Variants in ACYP2 observed in about 807,000 individuals in gnomAD.
The protein encoded by ACYP2 is acylphosphatase-2.
Under a neutral mutation model 11.2 loss-of-function variants are expected in ACYP2, and 12 were observed. The observed-to-expected ratio is 1.08, with a 90% CI of 0.69 to 1.74. The LOEUF (loss-of-function observed/expected upper bound fraction) is 1.74. Among genes scored for constraint, ACYP2 ranks in the 40% most tolerant of loss-of-function variants. The pLI is 0.00. For synonymous variants in ACYP2, 43 were observed against 32.2 expected, an observed-to-expected ratio of 1.33 and a Z score of -1.13; for missense variants, 134 against 101.9, an observed-to-expected ratio of 1.31 and a Z score of -1.35.
At chr2:54,297,083 G>A (rs1369509735) in intron 6 of ACYP2, among the ~76,000 whole-genome samples, 1 of 146,230 alleles carries the variant, frequency 6.8e-6, no homozygotes, top group Admixed American at 7.1e-5. Context: ...TTGTGGTTGT[G>A]TTGGCTCCTT....
chr2:54,295,383 G>T (rs532765008), intron 6 of ACYP2, among the ~76,000 whole-genome samples: 1 of 152,162 alleles, frequency 6.6e-6, no homozygotes, highest in Non-Finnish European at 1.5e-5. Context: ...TATTTTCTGA[G>T]TTTCTGTAAT....
At chr2:54,206,676 TC>T (rs1282132093) in intron 6 of ACYP2, among the ~76,000 whole-genome samples, 1 of 152,246 alleles carries the variant, frequency 6.6e-6, no homozygotes, top group Non-Finnish European at 1.5e-5. Context: ...GTGATTTTTT[TC>T]CATAATTGTA....
intron 6 of ACYP2, chr2:54,253,123 G>C (rs772603838): frequency 1.3e-5 from 2 of 152,184 alleles, no homozygotes; most frequent in Non-Finnish European, 1.5e-5. Context: ...TGAGAAAAGA[G>C]ACATGTCAAT....
intron 1 of ACYP2, among the ~76,000 whole-genome samples, chr2:53,972,968 T>C (rs1022470958): frequency 7.9e-5 from 12 of 151,144 alleles, no homozygotes; most frequent in Admixed American, 4.0e-4. Flanking sequence ...GAAGGAAATA[T>C]ACAGTATGAA....
At chr2:54,150,589 T>G (rs537790822) in intron 6 of ACYP2, among the ~76,000 whole-genome samples, 3 of 151,796 alleles carry the variant, frequency 2.0e-5, no homozygotes, top group Admixed American at 2.0e-4. Context: ...ACGCAGCTAA[T>G]TTTTGTATTT....
At chr2:54,065,607 G>A (rs1676704245) in intron 4 of ACYP2, 1 of 397,962 alleles carries the variant, frequency 2.5e-6, no homozygotes, top group Admixed American at 4.4e-5. Context: ...CTGGGCTGGT[G>A]TGAGTAAGTG....
chr2:54,123,734 G>T lies in ACYP2; in HGVS notation c.278-11719G>T, dbSNP rs143071486. 2.1e-3 allele frequency among the ~76,000 whole-genome samples: 322 copies of T among 152,136 alleles called. 1 individual carries two copies. The highest frequency in any genetic ancestry group is 7.5e-3 in the African/African-American group (312 of 41,512). On this transcript the variant is annotated intron_variant, in intron 4 of 6. Coordinates refer to ENST00000607452, the MANE Select transcript of ACYP2 (RefSeq NM_001320586.2). ...CTCAAGATTTCAAGATTGCTGCTTA[G>T]CTCCAATCATAATATTCATACCATG...
At chr2:54,013,301 GTGTGTGTGTGTGTGTT>G (rs943032625) in intron 2 of ACYP2, among the ~76,000 whole-genome samples, 3 of 142,450 alleles carry the variant, frequency 2.1e-5, no homozygotes, top group Non-Finnish European at 4.5e-5. Context: ...GTGTGTGTGT[GTGTGTGTGTGTGTGTT>G]TTGAGACAGA....
At chr2:54,289,416 T>C (rs554379754) in intron 6 of ACYP2, among the ~76,000 whole-genome samples, 1 of 152,146 alleles carries the variant, frequency 6.6e-6, no homozygotes, top group South Asian at 2.1e-4. Flanking sequence ...CCAATTTTAG[T>C]TTTCAAAATC....
At chr2:54,165,930 G>C (rs1254336515) in intron 6 of ACYP2, among the ~76,000 whole-genome samples, 1 of 152,162 alleles carries the variant, frequency 6.6e-6, no homozygotes, top group East Asian at 1.9e-4. Context: ...TATTGAATCA[G>C]AGCTATTCAG....
intron 6 of ACYP2, chr2:54,142,026 G>T (rs199855093): frequency 1.8e-5 from 6 of 332,668 alleles, no homozygotes; most frequent in African/African-American, 1.2e-4. Context: ...TTTTGTTGTT[G>T]TTGTTGTTGT....
At chr2:54,215,711 G>T (rs956164743) in intron 6 of ACYP2, among the ~76,000 whole-genome samples, 24 of 152,152 alleles carry the variant, frequency 1.6e-4, no homozygotes, top group African/African-American at 5.8e-4. Context: ...ATAGTTAGGT[G>T]TAATCATTTT....
At chr2:53,985,289 G>T (rs1293968213) in intron 2 of ACYP2, among the ~76,000 whole-genome samples, 1 of 151,792 alleles carries the variant, frequency 6.6e-6, no homozygotes, top group Non-Finnish European at 1.5e-5. Flanking sequence ...GGATGGTCTC[G>T]ATCTTCTGAC....
chr2:54,185,513 A>T (rs559152747), intron 6 of ACYP2, among the ~76,000 whole-genome samples: 412 of 152,236 alleles, frequency 2.7e-3, no homozygotes, highest in Non-Finnish European at 5.0e-3. Flanking sequence ...GCTTTTGGTT[A>T]TTTACCGCCT....
At chr2:54,135,803 G>A (rs530749707) in intron 5 of ACYP2, among the ~76,000 whole-genome samples, 1 of 152,272 alleles carries the variant, frequency 6.6e-6, no homozygotes, top group African/African-American at 2.4e-5. Context: ...CTAGGCAACG[G>A]TACATATGTT....
chr2:54,187,091 C>T (rs879773239), intron 6 of ACYP2, among the ~76,000 whole-genome samples: 5 of 151,954 alleles, frequency 3.3e-5, no homozygotes, highest in Non-Finnish European at 5.9e-5. Context: ...ATTCTTCACA[C>T]GTCAGGAAGA....
chr2:53,979,851 G>C (rs1467150035), intron 2 of ACYP2, among the ~76,000 whole-genome samples: 1 of 151,560 alleles, frequency 6.6e-6, no homozygotes, highest in Admixed American at 6.6e-5. Context: ...GTGCCACCCT[G>C]CCTGGCTGTT....
At chr2:54,022,132 T>A (rs1674037815) in intron 2 of ACYP2, among the ~76,000 whole-genome samples, 1 of 152,206 alleles carries the variant, frequency 6.6e-6, no homozygotes, top group African/African-American at 2.4e-5. Context: ...TCACCAATTT[T>A]GAATGTCTTG....
intron 2 of ACYP2, among the ~76,000 whole-genome samples, chr2:54,006,999 C>A (rs181166819): frequency 3.6e-4 from 54 of 151,698 alleles, no homozygotes; most frequent in African/African-American, 1.1e-3. Context: ...GTGGCATGTG[C>A]CTGTAATCCC....
Sources: gnomAD v4.1 joint callset for allele counts (sites outside exome capture counted in the v4.1 genomes callset) on GRCh38, gnomAD v4.1.1 for gene constraint, MANE v1.5 for transcripts, NCBI Gene and HGNC (gene_info 2026-07-23, HGNC 2026-07-21) for gene names.